Variants in B4GALNT3 observed in about 807,000 individuals in gnomAD.
B4GALNT3 encodes beta-1,4-N-acetylgalactosaminyltransferase 3.
B4GALNT3 carries 86 observed loss-of-function variants against 120.2 expected under a neutral mutation model. That is an observed-to-expected ratio of 0.72 (90% confidence interval 0.60 to 0.86). The LOEUF (loss-of-function observed/expected upper bound fraction) is 0.86. Ranked by LOEUF, B4GALNT3 falls within the 40% of genes least tolerant of loss-of-function variation. B4GALNT3 has a pLI of 0.00. For missense variants in B4GALNT3, 1,167 were observed against 1,298.9 expected (o/e 0.90, Z 1.56); for synonymous variants, 518 against 510.4 (o/e 1.01, Z -0.20).
At chr12:540,914 T>C (rs1385695242) in intron 3 of B4GALNT3, among the ~76,000 whole-genome samples, 1 of 151,980 alleles carries the variant, frequency 6.6e-6, no homozygotes, top group African/African-American at 2.4e-5. Flanking sequence ...CAGCTAATTT[T>C]TTGTATTTTT....
At chr12:554,041 T>A in intron 14 of B4GALNT3, 58 bp downstream of exon 14, 1 of 1,283,982 alleles carries the variant, frequency 7.8e-7, no homozygotes, top group Non-Finnish European at 1.1e-6. Context: ...CCAGCTGGCC[T>A]GGAAGGCAGG....
rs1453606687 is a variant in B4GALNT3, at chr12:546,668, C to T, written c.662C>T (p.Pro221Leu). 9 of 1,551,402 alleles carry T rather than the reference C, an allele frequency of 5.8e-6. No individual in the cohort carries two copies. The South Asian group carries it at 7.1e-5, about 12-fold the overall frequency. ...VGKTGKEWTA[P>L]GEFGKFRSQI... ...TAGACTGGAAAGGAGTGGACCGCCC[C>T]GGGAGAGTTTGGGAAATTTCGGAGC... Residue 221 changes from proline to leucine, a missense_variant, in exon 7 of 20, where the codon CCG becomes CTG. Physicochemically the swap from Pro to Leu is moderately conservative, Grantham distance 98. This residue lies in a region of B4GALNT3 where 983 missense variants were observed against 1,102.5 expected (regional missense o/e 0.89). Transcript: ENST00000266383.
intron 14 of B4GALNT3, 65 bp from the exon 15 acceptor site, chr12:556,480 TCA>T: frequency 6.8e-7 from 1 of 1,469,806 alleles, no homozygotes; most frequent in Non-Finnish European, 9.4e-7. Context: ...TGCAGGCTTC[TCA>T]CACACCGTGC....
rs1286789960 is a variant in B4GALNT3 at position 563,023 on chromosome 12, C to CT, written c.*1573dup. 1 of 152,316 alleles carries CT rather than the reference C, an allele frequency of 6.6e-6. No individual in the cohort carries two copies. Among genetic ancestry groups the CT allele is most frequent in the Non-Finnish European group, 1.5e-5 (1 of 68,138 alleles). The allele number at this position is 152,316 out of a possible 1,614,324, so 9.4% of individuals were successfully genotyped here. ...GAGAATGGAGCCCGTGGAGAACCTT[C>CT]TGGGGGGTCGGGGAGAATCCCTGCC... On this transcript the variant is annotated 3_prime_UTR_variant, in exon 20 of 20. Transcript: ENST00000266383.
At chr12:464,307 ATCAGCAAAGATTC>A (rs1946055148) in intron 1 of B4GALNT3, among the ~76,000 whole-genome samples, 2 of 152,286 alleles carry the variant, frequency 1.3e-5, no homozygotes, top group South Asian at 4.2e-4. Context: ...TTCATATTGG[ATCAGCAAAGATTC>A]TATCTGAAGG....
intron 1 of B4GALNT3, among the ~76,000 whole-genome samples, chr12:496,475 C>T (rs575407459): frequency 6.6e-6 from 1 of 152,188 alleles, no homozygotes; most frequent in African/African-American, 2.4e-5. Flanking sequence ...TGGCACACAC[C>T]TGTGATCCCA....
intron 1 of B4GALNT3, among the ~76,000 whole-genome samples, chr12:472,727 G>A (rs987478743): frequency 2.6e-5 from 4 of 151,748 alleles, no homozygotes; most frequent in African/African-American, 7.3e-5. Flanking sequence ...GTGAGCCACC[G>A]CGCCCGACCT....
intron 9 of B4GALNT3, among the ~76,000 whole-genome samples, chr12:549,422 G>T (rs940826323): frequency 6.6e-6 from 1 of 152,192 alleles, no homozygotes; most frequent in Admixed American, 6.5e-5. Flanking sequence ...CTTAGAGCAG[G>T]GCCTGGCTTA....
rs1353071957 is a variant in B4GALNT3 at position 460,415 on chromosome 12, G to C, written c.39G>C (p.Leu13=). 19 of 1,530,162 alleles carry C rather than the reference G, an allele frequency of 1.2e-5. No homozygotes were observed. The highest frequency in any genetic ancestry group is 1.7e-5 in the Non-Finnish European group (19 of 1,141,680). The allele number at this position is 1,530,162 out of a possible 1,614,324, so 94.8% of individuals were successfully genotyped here. ...SPRAARPPLL[L]RPVKLLRRRF... is the part of the protein sequence containing the mutation. ...GGGCCGCGCGGCCCCCGCTGCTCCT[G>C]CGCCCGGTGAAGCTGCTGCGGAGGC... Residue 13 remains leucine, a synonymous_variant, in exon 1 of 20, where the codon CTG becomes CTC. Coordinates refer to ENST00000266383, the MANE Select transcript of B4GALNT3 (RefSeq NM_173593.4). The surrounding 1 kb of genome is among the most constrained non-coding windows in gnomAD (Gnocchi z 8.0).
In B4GALNT3 at chr12:545,464, G is replaced by A. The variant is rs772271438; in HGVS notation, c.634G>A (p.Gly212Ser). The A allele has an allele frequency of 6.2e-7, 1 of 1,600,712 alleles. No individual in the cohort carries two copies. Among genetic ancestry groups the A allele is most frequent in the Non-Finnish European group, 8.5e-7 (1 of 1,174,386 alleles). ...AGGCCTCCAGCTGCTGGCCAGTGTG[G>A]GCAAGGTAAGGCCAGCTCAACCCCG... ...VSGLQLLASVGKTGKEWTAPG... is the reference protein window; with the variant it reads ...VSGLQLLASVSKTGKEWTAPG... Residue 212 changes from glycine (G) to serine (S), a missense_variant, in exon 6 of 20, where the codon GGC becomes AGC. By Grantham distance (56) the Gly-to-Ser change is moderately conservative. Transcript: ENST00000266383.
chr12:557,793 G>A (rs1412950708), intron 16 of B4GALNT3, 32 bp downstream of exon 16: 1 of 1,583,054 alleles, frequency 6.3e-7, no homozygotes, highest in African/African-American at 1.4e-5. Flanking sequence ...GGGGTGGCAT[G>A]GGCCACGTCC....
At position 460,531 on chromosome 12, in the gene B4GALNT3, AC is replaced by A; in HGVS notation, c.160del (p.Leu54Ter). The A allele has an allele frequency of 1.3e-6, 2 of 1,516,062 alleles. No individual in the cohort carries two copies. The highest frequency in any genetic ancestry group is 1.9e-5 in the Admixed American group (1 of 51,524). The allele number at this position is 1,516,062 out of a possible 1,614,324, so 93.9% of individuals were successfully genotyped here. On this transcript the variant is annotated frameshift_variant, in exon 1 of 20. Transcript: ENST00000266383. LOFTEE classifies it high-confidence loss of function. This position sits in a 1 kb window ranked among gnomAD's most constrained non-coding sequence, Gnocchi z 8.0. ...GTGGCGTCGGCCCAGGTCGGCGGGA[AC>A]CCCCTGAACCGGAGTAAGTAGCACC... ...ELVASAQVGGNPLNRRYGSWR... is the reference protein window; with the variant it reads ...ELVASAQVGGXPLNRRYGSWR...
At chr12:491,751 T>C (rs972304865) in intron 1 of B4GALNT3, among the ~76,000 whole-genome samples, 1 of 152,116 alleles carries the variant, frequency 6.6e-6, no homozygotes, top group South Asian at 2.1e-4. Flanking sequence ...AGCTTTCCCA[T>C]TGAAATCAGG....
intron 3 of B4GALNT3, among the ~76,000 whole-genome samples, chr12:540,703 G>A (rs989475090): frequency 6.6e-6 from 1 of 152,124 alleles, no homozygotes; most frequent in African/African-American, 2.4e-5. Flanking sequence ...GCTCTGTTCT[G>A]AAGCCTTCTG....
intron 1 of B4GALNT3, among the ~76,000 whole-genome samples, chr12:501,882 G>A (rs1011457997): frequency 6.6e-6 from 1 of 152,210 alleles, no homozygotes; most frequent in Non-Finnish European, 1.5e-5. Context: ...ACACAGAACC[G>A]GTGCAGGCGG....
At chr12:527,732 C>A (rs80188796) in intron 1 of B4GALNT3, among the ~76,000 whole-genome samples, 1,989 of 152,204 alleles carry the variant, frequency 0.013, 39 homozygotes, top group African/African-American at 0.045. Context: ...GGGTGGCTTA[C>A]GTTGAGAAGG....
rs1433715955 is a variant in B4GALNT3 at position 562,102 on chromosome 12, C to T, written c.*651C>T. The T allele has an allele frequency of 1.3e-5, 2 of 152,306 alleles. No individual in the cohort carries two copies. The highest frequency in any genetic ancestry group is 4.8e-5 in the African/African-American group (2 of 41,460). 9.4% of individuals were successfully genotyped at this position (152,306 alleles called of 1,614,324 possible). On this transcript the variant is annotated 3_prime_UTR_variant, in exon 20 of 20. Coordinates refer to ENST00000266383, the MANE Select transcript of B4GALNT3 (RefSeq NM_173593.4). This position sits in a 1 kb window ranked among gnomAD's most constrained non-coding sequence, Gnocchi z 5.2. ...TGGCCACTGATTAGGGCATTAACTT[C>T]CTCCGGATGGCTCACGTCAGACCAG... is the stretch of plus-strand genomic sequence containing the variant.
chr12:511,407 C>CGAG, intron 1 of B4GALNT3, among the ~76,000 whole-genome samples: 1 of 69,302 alleles, frequency 1.4e-5, no homozygotes, highest in Non-Finnish European at 2.8e-5. Flanking sequence ...CTTCCACCTT[C>CGAG]CTTCCACCTT....
intron 3 of B4GALNT3, among the ~76,000 whole-genome samples, chr12:544,037 C>G (rs1324741925): frequency 9.7e-6 from 1 of 102,648 alleles, no homozygotes; most frequent in African/African-American, 4.1e-5. Context: ...GGAGCTGGGG[C>G]GGGCATGGGG....
Sources: gnomAD v4.1 joint callset for allele counts (sites outside exome capture counted in the v4.1 genomes callset) on GRCh38, gnomAD v4.1.1 for gene constraint, gnomAD v4.1.1 regional missense constraint, Gnocchi (gnomAD v3.1) non-coding constraint, MANE v1.5 for transcripts, NCBI Gene and HGNC (gene_info 2026-07-23, HGNC 2026-07-21) for gene names.